RNF213: variants seen among roughly 807,000 people sequenced by gnomAD.
The protein encoded by RNF213 is E3 ubiquitin-protein ligase RNF213.
A neutral mutation model predicts 514.4 loss-of-function variants in RNF213; 341 were observed. The observed-to-expected ratio is 0.66, with a 90% confidence interval of 0.61 to 0.73. RNF213 has a LOEUF of 0.73. RNF213 is among the 30% of genes least tolerant of loss of function. The pLI is 0.00. For missense variants in RNF213, 5,767 were observed against 6,615.6 expected (o/e 0.87, Z 4.45); for synonymous variants, 2,655 against 2,658.2 (o/e 1.00, Z 0.04).
At chr17:80,269,520 ATCCTCTT>A (rs2043739342) in intron 2 of RNF213, among the ~76,000 whole-genome samples, 1 of 148,694 alleles carries the variant, frequency 6.7e-6, no homozygotes, top group East Asian at 2.0e-4. Flanking sequence ...CTATCCATCC[ATCCTCTT>A]TCTATTCATC....
rs1269070341 is a variant in RNF213, at chr17:80,263,838, C to T, written c.97+60C>T. 20 of 1,434,460 alleles carry T rather than the reference C, an allele frequency of 1.4e-5. No homozygotes were observed. Among genetic ancestry groups the T allele is most frequent in the East Asian group, 4.6e-5 (2 of 43,916 alleles). The allele number at this position is 1,434,460 out of a possible 1,614,324, so 88.9% of individuals were successfully genotyped here. A position where few individuals can be genotyped will look rare whatever the true frequency, so the allele number is the denominator to read the frequency against. ...GTGGGGACCCCTGGAGATGTCTCAC[C>T]TCCCTTCCAGGAAATGGAAACCCTG... On this transcript the variant is annotated intron_variant, in intron 2 of 67. Transcript: ENST00000582970. This position sits in a 1 kb window ranked among gnomAD's most constrained non-coding sequence, Gnocchi z 4.9.
At chr17:80,336,571 A>G in intron 23 of RNF213, 193 bp downstream of exon 23, 1 of 675,040 alleles carries the variant, frequency 1.5e-6, no homozygotes, top group Non-Finnish European at 2.7e-6. Flanking sequence ...AGGATACAAA[A>G]TTACATGACA....
Position 80,346,422 on chromosome 17 carries a change from C to T in RNF213, c.8087C>T (p.Ser2696Phe). Residue 2696 changes from serine (S) to phenylalanine (F), a missense_variant, in exon 29 of 68, where the codon TCT becomes TTT. This residue lies in a region of RNF213 where 1,377 missense variants were observed against 1,635.2 expected (regional missense o/e 0.84). Transcript: ENST00000582970. The surrounding 1 kb of genome is among the most constrained non-coding windows in gnomAD (Gnocchi z 8.1). Reference protein sequence around the residue: ...MLAIGVCYHASLEKKDSYRKA... With the variant: ...MLAIGVCYHAFLEKKDSYRKA... ...GCCATCGGGGTGTGTTACCATGCCT[C>T]TTTAGAAAAGAAAGACTCATATCGG... 6.2e-7 allele frequency: 1 copy of T among 1,613,554 alleles called. No homozygotes were observed. The highest frequency in any genetic ancestry group is 1.3e-5 in the African/African-American group (1 of 74,996).
rs773098626 is a variant in RNF213 at position 80,383,729 on chromosome 17, G to T, written c.14123G>T (p.Arg4708Leu). 6.2e-7 allele frequency: 1 copy of T among 1,613,718 alleles called. No homozygotes were observed. The highest frequency in any genetic ancestry group is 8.5e-7 in the Non-Finnish European group (1 of 1,179,916). ...AATAATCTCATCAGCCAAGATAAGC[G>T]TATCAGCTCTAACCCTGTGGCCAAA... Reference protein sequence around the residue: ...TMNNLISQDKRISSNPVAKII... With the variant: ...TMNNLISQDKLISSNPVAKII... Residue 4708 changes from arginine (R) to leucine (L), a missense_variant, in exon 59 of 68, where the codon CGT (arginine) becomes CTT (leucine). By Grantham distance (102) the Arg-to-Leu change is moderately radical. Around this residue, in one of 13 missense-constraint regions of RNF213, gnomAD observed 1,245 missense variants for 1,339.0 expected, o/e 0.93. Coordinates refer to ENST00000582970, the MANE Select transcript of RNF213 (RefSeq NM_001256071.3).
chr17:80,381,473 T>TG, intron 56 of RNF213, 74 bp from the exon 57 acceptor site: 4 of 1,489,494 alleles, frequency 2.7e-6, no homozygotes, highest in Non-Finnish European at 3.7e-6. Flanking sequence ...CCACTCCCAA[T>TG]GGCCTCTACC....
intron 21 of RNF213, chr17:80,333,895 A>C (rs1231474508): frequency 1.7e-6 from 1 of 577,768 alleles, no homozygotes; most frequent in Non-Finnish European, 3.1e-6. Context: ...GGTTCCCAGG[A>C]ATCACAGTTC....
intron 2 of RNF213, among the ~76,000 whole-genome samples, chr17:80,268,101 A>G (rs916215329): frequency 6.6e-6 from 1 of 152,134 alleles, no homozygotes; most frequent in African/African-American, 2.4e-5. Context: ...GGCTATAGGC[A>G]TGAACCATTG....
At chr17:80,312,800 C>T (rs1346116016) in intron 14 of RNF213, among the ~76,000 whole-genome samples, 2 of 152,164 alleles carry the variant, frequency 1.3e-5, no homozygotes, top group South Asian at 2.1e-4. Flanking sequence ...TCTTTTCTCC[C>T]GTATCTCCCA....
intron 30 of RNF213, 136 bp downstream of exon 30, chr17:80,350,042 TCC>T: frequency 9.8e-7 from 1 of 1,016,082 alleles, no homozygotes; most frequent in Non-Finnish European, 1.5e-6. Context: ...GTTAAATCTC[TCC>T]CAGCATCCCT....
At position 80,289,731 on chromosome 17, in the gene RNF213, C is replaced by G. The variant is rs748516466; in HGVS notation, c.1006C>G (p.Pro336Ala). 1.5e-5 allele frequency: 24 copies of G among 1,613,782 alleles called. No homozygotes were observed. Among genetic ancestry groups the G allele is most frequent in the African/African-American group, 2.7e-5 (2 of 74,858 alleles). ...EKVGKNEQGE[P>A]EDLKKPEGKN... ...AGTCGGTAAGAATGAACAAGGGGAG[C>G]CTGAAGACCTCAAGAAGCCAGAGGG... The change falls in exon 6 of 68, where the codon CCT (proline) becomes GCT (alanine). Residue 336 changes from proline to alanine, a missense_variant. By Grantham distance (27) the Pro-to-Ala change is conservative. This residue lies in a region of RNF213 where 509 missense variants were observed against 496.7 expected (regional missense o/e 1.02). Coordinates refer to ENST00000582970, the MANE Select transcript of RNF213 (RefSeq NM_001256071.3).
intron 18 of RNF213, among the ~76,000 whole-genome samples, chr17:80,325,937 GTATTTATTTATT>G (rs144887674): frequency 7.5e-4 from 110 of 147,452 alleles, no homozygotes; most frequent in South Asian, 3.0e-3. Context: ...TGTGTTATTT[GTATTTATTTATT>G]TATTTATTTA....
Position 80,317,012 on chromosome 17 carries a change from C to T in RNF213, c.2812-176C>T, listed in dbSNP as rs569319085. 1.3e-5 allele frequency among the ~76,000 whole-genome samples: 2 copies of T among 152,356 alleles called. No homozygotes were observed. Among genetic ancestry groups the T allele is most frequent in the South Asian group, 4.1e-4 (2 of 4,832 alleles). ...TCTGATTCTAGAAAGCCAACCTGGG[C>T]TGCTGTGACCGGCCACTAGCATGGC... On this transcript the variant is annotated intron_variant, in intron 15 of 67. Coordinates refer to ENST00000582970, the MANE Select transcript of RNF213 (RefSeq NM_001256071.3). The surrounding 1 kb of genome is among the most constrained non-coding windows in gnomAD (Gnocchi z 4.1).
At position 80,390,022 on chromosome 17, in the gene RNF213, G is replaced by A; in HGVS notation, c.15296G>A (p.Gly5099Glu). Residue 5099 changes from glycine to glutamate, a missense_variant, in exon 67 of 68, where the codon GGG becomes GAG. Around this residue, in one of 13 missense-constraint regions of RNF213, gnomAD observed 1,245 missense variants for 1,339.0 expected, o/e 0.93. Transcript: ENST00000582970. ...CTTCCGTCGTTTTAGGAGCCATTTG[G>A]GGAAATCAGTTCAAGGTACAAAGCG... is the stretch of plus-strand genomic sequence containing the variant. ...QLLRLHKEPF[G>E]EISSRYKADL... 6.2e-7 allele frequency: 1 copy of A among 1,614,174 alleles called. No homozygotes were observed. The highest frequency in any genetic ancestry group is 8.5e-7 in the Non-Finnish European group (1 of 1,180,036).
intron 8 of RNF213, 125 bp from the exon 9 acceptor site, chr17:80,294,595 C>T: frequency 2.5e-6 from 3 of 1,222,492 alleles, no homozygotes; most frequent in South Asian, 2.5e-5. Context: ...CTTTTCCCTT[C>T]CTCCCTTCCT....
Position 80,381,717 on chromosome 17 carries a change from C to T in RNF213, c.13968C>T (p.Leu4656=). The change falls in exon 57 of 68, where the codon CTC becomes CTT. Residue 4656 remains leucine (L), a synonymous_variant. Coordinates refer to ENST00000582970, the MANE Select transcript of RNF213 (RefSeq NM_001256071.3). ...LRRLLQEQHQ[L]SSRRLLNFDT... is the part of the protein sequence containing the mutation. ...GGCTTCTCCAAGAGCAGCACCAGCT[C>T]TCTAGCAGAAGTGAGGAAAGGGGCA... The T allele has an allele frequency of 6.2e-7, 1 of 1,613,554 alleles. No individual in the cohort carries two copies. Among genetic ancestry groups the T allele is most frequent in the Non-Finnish European group, 8.5e-7 (1 of 1,179,918 alleles).
intron 35 of RNF213, 137 bp from the exon 36 acceptor site, chr17:80,354,304 A>G: frequency 6.7e-7 from 1 of 1,492,508 alleles, no homozygotes; most frequent in Non-Finnish European, 9.3e-7. Flanking sequence ...GTGGGAATCT[A>G]AGAGCATCTC....
intron 49 of RNF213, 78 bp downstream of exon 49, chr17:80,373,243 C>T: frequency 8.2e-7 from 1 of 1,215,530 alleles, no homozygotes; most frequent in Non-Finnish European, 1.1e-6. Flanking sequence ...ACCCCCCTAC[C>T]CTCACACCCT....
At chr17:80,280,293 C>T (rs907219774) in intron 3 of RNF213, among the ~76,000 whole-genome samples, 7 of 152,176 alleles carry the variant, frequency 4.6e-5, no homozygotes, top group Admixed American at 2.0e-4. Context: ...AAGGCTCGGG[C>T]TCAGCAGACA....
At chr17:80,321,914 C>T (rs190107217) in intron 17 of RNF213, among the ~76,000 whole-genome samples, 74 of 151,330 alleles carry the variant, frequency 4.9e-4, no homozygotes, top group African/African-American at 1.7e-3. Context: ...TTGGTAGAGA[C>T]GGGGTTTTGC....
Sources: gnomAD v4.1 joint callset for allele counts (sites outside exome capture counted in the v4.1 genomes callset) on GRCh38, gnomAD v4.1.1 for gene constraint, gnomAD v4.1.1 regional missense constraint, Gnocchi (gnomAD v3.1) non-coding constraint, MANE v1.5 for transcripts, NCBI Gene and HGNC (gene_info 2026-07-23, HGNC 2026-07-21) for gene names.